The following BNC2 variants were observed in gnomAD, a reference collection of about 807,000 sequenced individuals.
BNC2 encodes the protein basonuclin zinc finger protein 2, also known as zinc finger protein basonuclin-2.
BNC2 carries 20 observed loss-of-function variants against 76.3 expected under a neutral mutation model. The observed-to-expected ratio is 0.26, with a 90% CI of 0.18 to 0.38. The LOEUF (loss-of-function observed/expected upper bound fraction) is 0.38, where lower values mean the gene tolerates loss of function less well. Among genes scored for constraint, BNC2 ranks in the 10% least tolerant of loss-of-function variants. The probability of loss-of-function intolerance (pLI) is 1.00; values close to 1 mark genes in which losing one functional copy is unlikely to be tolerated. For missense variants in BNC2, 1,382 were observed against 1,399.8 expected (o/e 0.99, Z 0.20); for synonymous variants, 582 against 514.8 (o/e 1.13, Z -1.77).
chr9:16,701,479 A>G (rs1475882505), intron 3 of BNC2, among the ~76,000 whole-genome samples: 1 of 152,184 alleles, frequency 6.6e-6, no homozygotes, highest in East Asian at 1.9e-4. Flanking sequence ...TATGTGTGCT[A>G]AAAGGTAGCA....
chr9:16,718,745 T>C (rs1824061969), intron 3 of BNC2, among the ~76,000 whole-genome samples: 1 of 152,192 alleles, frequency 6.6e-6, no homozygotes, highest in South Asian at 2.1e-4. Context: ...ACAAGATTCT[T>C]AGGATGGAGA....
chr9:16,418,947 G>C lies in BNC2; in HGVS notation c.*42C>G. ...TGACTATGGCAGTTCAAACACGTAG[G>C]CCATCTGGTGAGAGCTGGCATTTGT... On this transcript the variant is annotated 3_prime_UTR_variant, in exon 7 of 7. Coordinates refer to ENST00000380672, the MANE Select transcript of BNC2 (RefSeq NM_017637.6). The C allele has an allele frequency of 6.2e-7, 1 of 1,607,598 alleles. No homozygotes were observed. The highest frequency in any genetic ancestry group is 8.5e-7 in the Non-Finnish European group (1 of 1,174,988).
chr9:16,861,182 AT>A (rs2136207547), intron 1 of BNC2, among the ~76,000 whole-genome samples: 3 of 2,654 alleles, frequency 1.1e-3, no homozygotes, highest in Admixed American at 0.019. Context: ...TCTCTACAAA[AT>A]ATATATATAT....
intron 3 of BNC2, among the ~76,000 whole-genome samples, chr9:16,689,473 T>C (rs1038458048): frequency 6.6e-6 from 1 of 152,126 alleles, no homozygotes; most frequent in Non-Finnish European, 1.5e-5. Context: ...TGATAGACAC[T>C]ATGAAAGTCA....
chr9:16,673,061 T>C (rs948031243), intron 3 of BNC2, among the ~76,000 whole-genome samples: 1 of 152,174 alleles, frequency 6.6e-6, no homozygotes, highest in South Asian at 2.1e-4. Flanking sequence ...TTTTGTTTTG[T>C]CTTAGTGTAT....
intron 5 of BNC2, among the ~76,000 whole-genome samples, chr9:16,439,624 AC>A (rs1424524846): frequency 6.6e-6 from 1 of 152,160 alleles, no homozygotes; most frequent in East Asian, 1.9e-4. Flanking sequence ...TCTCTCCTCA[AC>A]CTGTGGATGT....
At chr9:16,728,128 CT>C in intron 2 of BNC2, 131 bp from the exon 3 acceptor site, 1 of 754,374 alleles carries the variant, frequency 1.3e-6, no homozygotes. Flanking sequence ...GGGGTCAGAG[CT>C]TCTTTCGCAC....
chr9:16,648,302 G>C (rs1039818544), intron 3 of BNC2, among the ~76,000 whole-genome samples: 2 of 152,172 alleles, frequency 1.3e-5, no homozygotes, highest in Non-Finnish European at 2.9e-5. Context: ...AAACTATATG[G>C]TTCAGAGATT....
At chr9:16,632,940 T>C (rs111825308) in intron 3 of BNC2, among the ~76,000 whole-genome samples, 3 of 152,130 alleles carry the variant, frequency 2.0e-5, no homozygotes, top group African/African-American at 4.8e-5. Context: ...CTGGCAATAT[T>C]TGGGCCCCGA....
intron 2 of BNC2, chr9:16,728,301 GAGT>G (rs1824410253): frequency 4.4e-6 from 2 of 455,984 alleles, no homozygotes; most frequent in Non-Finnish European, 8.1e-6. Context: ...GCAGAGCTAA[GAGT>G]CAACTGCACT....
intron 3 of BNC2, among the ~76,000 whole-genome samples, chr9:16,589,744 G>A (rs1401340111): frequency 1.3e-5 from 2 of 151,908 alleles, no homozygotes; most frequent in Non-Finnish European, 2.9e-5. Flanking sequence ...TCCTGACTTC[G>A]TGATCCACCC....
At chr9:16,767,617 T>C (rs950305501) in intron 1 of BNC2, among the ~76,000 whole-genome samples, 2 of 152,200 alleles carry the variant, frequency 1.3e-5, no homozygotes, top group African/African-American at 2.4e-5. Flanking sequence ...TTGTATGCTC[T>C]GCCAAGAGGT....
At chr9:16,447,882 C>T (rs1387295128) in intron 5 of BNC2, among the ~76,000 whole-genome samples, 1 of 152,090 alleles carries the variant, frequency 6.6e-6, no homozygotes, top group Admixed American at 6.6e-5. Context: ...AGTATTTGTA[C>T]AGAAGACCCT....
intron 1 of BNC2, among the ~76,000 whole-genome samples, chr9:16,769,336 A>G (rs1276035646): frequency 6.6e-6 from 1 of 152,228 alleles, no homozygotes; most frequent in African/African-American, 2.4e-5. Flanking sequence ...TGTCTAATAA[A>G]TAACAGAGAC....
Position 16,437,319 on chromosome 9 carries a change from G to C in BNC2, c.875C>G (p.Thr292Ser). ...GTGAGCAAGGAGGCTGGGACTCCTG[G>C]TGCGATTATTGCTCTCAATGAAAGT... ...IRTFIESNNR[T>S]RSPSLLAHLE... The change falls in exon 6 of 7, where the codon ACC becomes AGC. Residue 292 changes from threonine to serine, a missense_variant. This residue lies in a region of BNC2 where 557 missense variants were observed against 540.9 expected (regional missense o/e 1.03). Coordinates refer to ENST00000380672, the MANE Select transcript of BNC2 (RefSeq NM_017637.6). 1 of 1,614,170 alleles carries C rather than the reference G, an allele frequency of 6.2e-7. No individual in the cohort carries two copies. The highest frequency in any genetic ancestry group is 8.5e-7 in the Non-Finnish European group (1 of 1,180,026).
intron 3 of BNC2, among the ~76,000 whole-genome samples, chr9:16,671,988 G>A (rs961737663): frequency 1.3e-5 from 2 of 152,148 alleles, no homozygotes; most frequent in African/African-American, 2.4e-5. Context: ...AGCAAACTCT[G>A]AACAAATCAT....
chr9:16,766,293 T>C (rs539575149), intron 1 of BNC2, among the ~76,000 whole-genome samples: 2 of 152,294 alleles, frequency 1.3e-5, no homozygotes, highest in South Asian at 2.1e-4. Flanking sequence ...GAGGTTAATT[T>C]CTTTCAACTT....
At chr9:16,474,242 G>A (rs1370693855) in intron 5 of BNC2, among the ~76,000 whole-genome samples, 1 of 151,950 alleles carries the variant, frequency 6.6e-6, no homozygotes, top group Non-Finnish European at 1.5e-5. Context: ...ATATCTCCCA[G>A]GAAAAAATAA....
intron 1 of BNC2, among the ~76,000 whole-genome samples, chr9:16,774,131 G>A (rs1445152212): frequency 2.6e-5 from 4 of 152,006 alleles, no homozygotes; most frequent in African/African-American, 9.7e-5. Context: ...ACAGGTACCC[G>A]CCACCACACC....
Sources: gnomAD v4.1 joint callset for allele counts (sites outside exome capture counted in the v4.1 genomes callset) on GRCh38, gnomAD v4.1.1 for gene constraint, gnomAD v4.1.1 regional missense constraint, MANE v1.5 for transcripts, NCBI Gene and HGNC (gene_info 2026-07-23, HGNC 2026-07-21) for gene names.